The following DGKB variants were observed in gnomAD, a reference collection of about 807,000 sequenced individuals.
DGKB encodes the protein diacylglycerol kinase beta, also known as 90 kDa diacylglycerol kinase.
In DGKB, 67 loss-of-function variants were observed where a neutral mutation model predicts 114.3. The ratio of observed to expected loss-of-function variants is 0.59; its 90% confidence interval spans 0.48 to 0.72. DGKB has a LOEUF of 0.72. DGKB is among the 30% of genes least tolerant of loss of function. The pLI is 0.00. For missense variants in DGKB, 907 were observed against 975.2 expected (o/e 0.93, Z 0.93); for synonymous variants, 398 against 323.1 (o/e 1.23, Z -2.49).
At chr7:14,742,872 G>T (rs1050156843) in intron 4 of DGKB, among the ~76,000 whole-genome samples, 2 of 152,262 alleles carry the variant, frequency 1.3e-5, no homozygotes, top group African/African-American at 4.8e-5. Flanking sequence ...GTAACTTTTT[G>T]CCTAGGGTTA....
chr7:14,413,128 A>C (rs1563130502), intron 21 of DGKB, among the ~76,000 whole-genome samples: 1 of 152,272 alleles, frequency 6.6e-6, no homozygotes, highest in Non-Finnish European at 1.5e-5. Context: ...AACTAAAGTG[A>C]TATAGCAATG....
chr7:14,283,730 G>C (rs1398832766), intron 23 of DGKB, among the ~76,000 whole-genome samples: 9 of 152,038 alleles, frequency 5.9e-5, no homozygotes, highest in African/African-American at 4.8e-5. Flanking sequence ...ACTATCTGAT[G>C]TTTGACAAAC....
chr7:14,844,650 A>G (rs145043303), intron 1 of DGKB, among the ~76,000 whole-genome samples: 1 of 152,300 alleles, frequency 6.6e-6, no homozygotes, highest in African/African-American at 2.4e-5. Context: ...CTTTCTTAAC[A>G]TGGCCATTTC....
At chr7:14,810,965 T>C (rs1192852133) in intron 2 of DGKB, among the ~76,000 whole-genome samples, 1 of 152,098 alleles carries the variant, frequency 6.6e-6, no homozygotes, top group East Asian at 1.9e-4. Flanking sequence ...ACATTTCAAT[T>C]TGGAGTAGCC....
intron 9 of DGKB, among the ~76,000 whole-genome samples, chr7:14,689,698 A>C (rs1822473530): frequency 1.3e-5 from 2 of 152,166 alleles, no homozygotes; most frequent in African/African-American, 4.8e-5. Context: ...GAATTTTTGC[A>C]TTCATCTAGT....
At position 14,535,423 on chromosome 7, in the gene DGKB, G is replaced by A. The variant is rs34441388; in HGVS notation, c.1770+38789C>T. Among the ~76,000 whole-genome samples, 10 of 146,930 alleles carry A rather than the reference G, an allele frequency of 6.8e-5. No homozygotes were observed. In the East Asian group the frequency reaches 1.4e-3, roughly 21 times the overall value. On this transcript the variant is annotated intron_variant, in intron 20 of 25. Coordinates refer to ENST00000402815, the MANE Select transcript of DGKB (RefSeq NM_001350709.2). ...AGAAAGAAAGAAAAATTAAAAAGAA[G>A]AAGTATCTCAAATCAACAACCTAAC...
intron 1 of DGKB, among the ~76,000 whole-genome samples, chr7:14,937,968 A>G (rs1785364382): frequency 6.6e-6 from 1 of 152,184 alleles, no homozygotes; most frequent in Non-Finnish European, 1.5e-5. Flanking sequence ...GTGTTAGTTG[A>G]CTGTTTATTA....
intron 1 of DGKB, among the ~76,000 whole-genome samples, chr7:14,896,671 G>A (rs905833120): frequency 1.3e-5 from 2 of 151,480 alleles, no homozygotes; most frequent in Non-Finnish European, 3.0e-5. Context: ...TTTATGAAAT[G>A]GCTTGTATTT....
intron 1 of DGKB, among the ~76,000 whole-genome samples, chr7:14,925,885 T>C (rs560500428): frequency 5.9e-5 from 9 of 151,944 alleles, no homozygotes; most frequent in East Asian, 2.0e-4. Context: ...ACTTCCAGTA[T>C]GCATGTCTTT....
chr7:14,185,423 T>C (rs1232282604), intron 23 of DGKB, among the ~76,000 whole-genome samples: 1 of 152,082 alleles, frequency 6.6e-6, no homozygotes, highest in Admixed American at 6.6e-5. Flanking sequence ...ATCAATATTG[T>C]GAAAATGACC....
Position 14,582,188 on chromosome 7 carries a change from AC to A in DGKB, c.1519+863del, listed in dbSNP as rs1254254727. On this transcript the variant is annotated intron_variant, in intron 18 of 25. Transcript: ENST00000402815. ...AAACAAAGAATTGATCAATGCGGTA[AC>A]TGAAATGAGACCAAAAAGAGTCAAT... Among the ~76,000 whole-genome samples, 23 of 152,324 alleles carry A rather than the reference AC, an allele frequency of 1.5e-4. 1 individual carries two copies. In the South Asian group the frequency reaches 4.8e-3, roughly 32 times the overall value.
intron 23 of DGKB, among the ~76,000 whole-genome samples, chr7:14,212,954 T>C (rs1168616903): frequency 6.6e-6 from 1 of 152,060 alleles, no homozygotes; most frequent in African/African-American, 2.4e-5. Context: ...ATGGCAATAA[T>C]TGTCCTTTCA....
At chr7:14,627,946 A>C (rs1005016292) in intron 14 of DGKB, among the ~76,000 whole-genome samples, 4 of 36,802 alleles carry the variant, frequency 1.1e-4, no homozygotes, top group Non-Finnish European at 2.3e-4. Flanking sequence ...TTGTCTCAAA[A>C]AAACAAAAAA....
At chr7:14,908,830 G>T (rs1783842447) in intron 1 of DGKB, among the ~76,000 whole-genome samples, 1 of 151,978 alleles carries the variant, frequency 6.6e-6, no homozygotes, top group South Asian at 2.1e-4. Flanking sequence ...CTGGTTTTGG[G>T]GTGACTTTAA....
intron 1 of DGKB, among the ~76,000 whole-genome samples, chr7:14,847,919 T>G (rs537323628): frequency 1.5e-4 from 23 of 152,288 alleles, no homozygotes; most frequent in African/African-American, 5.5e-4. Flanking sequence ...GACTGGATCC[T>G]GGTAAGCAAG....
At chr7:14,172,286 T>C (rs1384006328) in intron 25 of DGKB, among the ~76,000 whole-genome samples, 2 of 152,136 alleles carry the variant, frequency 1.3e-5, no homozygotes, top group African/African-American at 2.4e-5. Context: ...AAGAGTGCCA[T>C]GGTGAGATTC....
intron 20 of DGKB, among the ~76,000 whole-genome samples, chr7:14,542,900 T>G (rs1311886340): frequency 6.6e-6 from 1 of 152,184 alleles, no homozygotes; most frequent in Non-Finnish European, 1.5e-5. Context: ...GAGTGTTGCT[T>G]CAGCTGACTT....
rs946625026 is a variant in DGKB, at chr7:14,159,428, C to T, written c.2305-10190G>A. ...TCACAGTATAATAGTACCACAGTAC[C>T]GTAGTATCACAGTTCAAAGGATCAT... On this transcript the variant is annotated intron_variant, in intron 25 of 25. Transcript: ENST00000402815. Among the ~76,000 whole-genome samples the T allele has an allele frequency of 1.2e-4, 19 of 152,156 alleles. No individual in the cohort carries two copies. In the Middle Eastern group the frequency reaches 0.01, roughly 82 times the overall value.
rs186176493 is a variant in DGKB, at chr7:14,518,143, G to A, written c.1771-39918C>T. On this transcript the variant is annotated intron_variant, in intron 20 of 25. Transcript: ENST00000402815. ...ATACTATGCAGCCATAAAAAAGAAT[G>A]GGATTATGTCCTTTGCAGCAGCATG... is the stretch of plus-strand genomic sequence containing the variant. 3.3e-3 allele frequency among the ~76,000 whole-genome samples: 495 copies of A among 152,212 alleles called. 2 individuals are homozygous for A. The highest frequency in any genetic ancestry group is 0.012 in the African/African-American group (481 of 41,560).
Sources: allele counts gnomAD v4.1 joint callset (sites outside exome capture counted in the v4.1 genomes callset), GRCh38; gene constraint gnomAD v4.1.1; transcripts MANE v1.5; gene names NCBI Gene and HGNC (gene_info 2026-07-23, HGNC 2026-07-21).